Variants in NECAB3 observed in about 807,000 individuals in gnomAD.
The protein encoded by NECAB3 is N-terminal EF-hand calcium-binding protein 3.
Under a neutral mutation model 57.2 loss-of-function variants are expected in NECAB3, and 38 were observed. The observed-to-expected ratio is 0.66, with a 90% CI of 0.51 to 0.87. The LOEUF is 0.87. Ranked by LOEUF, NECAB3 falls within the 40% of genes least tolerant of loss-of-function variation. The pLI is 0.00. For missense variants in NECAB3, 474 were observed against 527.5 expected, an observed-to-expected ratio of 0.90 and a Z score of 0.99; for synonymous variants, 223 against 222.6, an observed-to-expected ratio of 1.00 and a Z score of -0.02.
chr20:33,662,759 G>T, intron 5 of NECAB3: 1 of 353,674 alleles, frequency 2.8e-6, no homozygotes, highest in Non-Finnish European at 5.3e-6. Context: ...GGGCAACATA[G>T]GGAGGCCCCA....
chr20:33,657,382 T>G lies in NECAB3; in HGVS notation c.*447A>C. On this transcript the variant is annotated 3_prime_UTR_variant, in exon 12 of 12. Transcript: ENST00000246190. ...TCAGGCCCAGCCTCGGAGGCAAGGT[T>G]TGAGGGTTGGGGGGTCCCTGAGCAT... 4 of 170,760 alleles carry G rather than the reference T, an allele frequency of 2.3e-5. No homozygotes were observed. Among genetic ancestry groups the G allele is most frequent in the Non-Finnish European group, 2.5e-5 (2 of 80,360 alleles). The allele number at this position is 170,760 out of a possible 1,614,324, so 10.6% of individuals were successfully genotyped here. A position where few individuals can be genotyped will look rare whatever the true frequency, so the allele number is the denominator to read the frequency against.
In NECAB3 at chr20:33,660,526, CA is replaced by C; in HGVS notation, c.388-132del. ...CAGGGGCACGCAAACCTGGCACAGGCAGGAGGGTACTGAGACCTGATGGGCA... is the reference window on the plus strand; with the variant it reads ...CAGGGGCACGCAAACCTGGCACAGGCGGAGGGTACTGAGACCTGATGGGCA... On this transcript the variant is annotated intron_variant, in intron 5 of 11. Transcript: ENST00000246190. The surrounding 1 kb of genome is among the most constrained non-coding windows in gnomAD (Gnocchi z 4.1). 8.1e-7 allele frequency: 1 copy of C among 1,230,896 alleles called. No homozygotes were observed. The highest frequency in any genetic ancestry group is 1.1e-6 in the Non-Finnish European group (1 of 889,130). 76.2% of individuals were successfully genotyped at this position (1,230,896 alleles called of 1,614,324 possible). A position where few individuals can be genotyped will look rare whatever the true frequency, so the allele number is the denominator to read the frequency against.
chr20:33,664,041 CTG>C, intron 5 of NECAB3: 1 of 558,430 alleles, frequency 1.8e-6, no homozygotes, highest in Non-Finnish European at 3.0e-6. Flanking sequence ...GGAGCCAGGG[CTG>C]TCTTTTGCTT....
chr20:33,667,981 A>C (rs1181198760), intron 5 of NECAB3: 1 of 1,548,514 alleles, frequency 6.5e-7, no homozygotes, highest in Non-Finnish European at 8.7e-7. Context: ...CCTGGCAGAC[A>C]CCGTGGTGCT....
rs140277190 is a variant in NECAB3, at chr20:33,660,172, C to T, written c.524+87G>A. The T allele has an allele frequency of 2.7e-4, 424 of 1,560,428 alleles. 1 individual carries two copies. In the African/African-American group the frequency reaches 5.2e-3, roughly 19 times the overall value. On this transcript the variant is annotated intron_variant, in intron 6 of 11. Transcript: ENST00000246190. This position sits in a 1 kb window ranked among gnomAD's most constrained non-coding sequence, Gnocchi z 4.1. ...CTTCCCCGCCCGAAAATGCAGGCTC[C>T]AGGATGCTGGGACTGTGGGGATTTG...
At chr20:33,661,310 C>T (rs1025972275) in intron 5 of NECAB3, among the ~76,000 whole-genome samples, 4 of 152,280 alleles carry the variant, frequency 2.6e-5, no homozygotes, top group East Asian at 3.9e-4. Flanking sequence ...CACACACACA[C>T]GCATCAGGGT....
chr20:33,667,726 A>G lies in NECAB3; in HGVS notation c.387+1649T>C, dbSNP rs1448465564. On this transcript the variant is annotated intron_variant, in intron 5 of 11. Transcript: ENST00000246190. ...GCAGCAGGCCCTGCCCCGCAAGGCC[A>G]TCACACATCTCAAGAAGCGCAGCTG... is the stretch of plus-strand genomic sequence containing the variant. 5 of 1,612,278 alleles carry G rather than the reference A, an allele frequency of 3.1e-6. No homozygotes were observed. In the East Asian group the frequency reaches 6.7e-5, roughly 22 times the overall value.
chr20:33,668,597 G>A, intron 5 of NECAB3: 1 of 207,790 alleles, frequency 4.8e-6, no homozygotes, highest in Non-Finnish European at 9.9e-6. Flanking sequence ...GCCCCAAGGG[G>A]CGATCCCTTG....
chr20:33,659,936 G>A lies in NECAB3; in HGVS notation c.592C>T (p.Leu198=). The change falls in exon 7 of 12, where the codon CTG becomes TTG. Residue 198 remains leucine (L), a synonymous_variant. Coordinates refer to ENST00000246190, the MANE Select transcript of NECAB3 (RefSeq NM_031232.4). ...GTGGATGACCGGCTGACACTCCTCA[G>A]GGCTCGGCGTCCTGCCCGCCGGCTG... The part of the protein sequence containing the change: ...CGSRRAGRRA[L]RSVSRSSTWS... 6.4e-7 allele frequency: 1 copy of A among 1,551,524 alleles called. No individual in the cohort carries two copies. Among genetic ancestry groups the A allele is most frequent in the South Asian group, 1.2e-5 (1 of 84,574 alleles).
intron 3 of NECAB3, chr20:33,670,325 G>A: frequency 4.4e-6 from 1 of 228,808 alleles, no homozygotes; most frequent in Non-Finnish European, 8.6e-6. Flanking sequence ...ACGCGTAGAT[G>A]TGGGAGCACA....
intron 5 of NECAB3, chr20:33,667,383 G>C (rs929263856): frequency 7.6e-7 from 1 of 1,307,536 alleles, no homozygotes; most frequent in African/African-American, 1.6e-5. Context: ...GCGGCCTGCG[G>C]GTGTGCCCAG....
At chr20:33,674,123 A>C in intron 1 of NECAB3, 101 bp downstream of exon 1, 2 of 1,155,874 alleles carry the variant, frequency 1.7e-6, no homozygotes, top group Non-Finnish European at 2.2e-6. Context: ...AGAGAGGGGA[A>C]GAGACCCAGA....
rs374461462 is a variant in NECAB3, at chr20:33,660,415, G to A, written c.388-20C>T. 4.0e-5 allele frequency: 64 copies of A among 1,610,056 alleles called. No homozygotes were observed. Among genetic ancestry groups the A allele is most frequent in the Middle Eastern group, 1.7e-4 (1 of 5,886 alleles). On this transcript the variant is annotated intron_variant, in intron 5 of 11. Coordinates refer to ENST00000246190, the MANE Select transcript of NECAB3 (RefSeq NM_031232.4). This position sits in a 1 kb window ranked among gnomAD's most constrained non-coding sequence, Gnocchi z 4.1. ...GTACTCCTGTGGGCCAAGGAGGGAC[G>A]GTCAGCATCTCCCAGCCCGGGCACT...
chr20:33,659,474 G>T (rs1320480926), intron 8 of NECAB3, 23 bp downstream of exon 8: 1 of 1,445,580 alleles, frequency 6.9e-7, no homozygotes, highest in South Asian at 1.5e-5. Context: ...CCATCCAGCC[G>T]CTTGCCCCTC....
At position 33,674,382 on chromosome 20, in the gene NECAB3, G is replaced by T. The variant is rs971067890; in HGVS notation, c.-30C>A. On this transcript the variant is annotated 5_prime_UTR_variant, in exon 1 of 12. Transcript: ENST00000246190. Reference sequence around the variant, plus strand: ...CCGCCACCCGCTCGGGCTCGGCTGCGGTTGCTGCCGACCCTGGACGCCGCG... The same window carrying T: ...CCGCCACCCGCTCGGGCTCGGCTGCTGTTGCTGCCGACCCTGGACGCCGCG... The T allele has an allele frequency of 2.5e-5, 29 of 1,155,454 alleles. No homozygotes were observed. The highest frequency in any genetic ancestry group is 3.0e-5 in the Non-Finnish European group (28 of 939,260). 71.6% of individuals were successfully genotyped at this position (1,155,454 alleles called of 1,614,324 possible).
intron 2 of NECAB3, among the ~76,000 whole-genome samples, chr20:33,671,029 A>C (rs1422084250): frequency 6.6e-6 from 1 of 152,260 alleles, no homozygotes; most frequent in Non-Finnish European, 1.5e-5. Flanking sequence ...GGGACAGGGC[A>C]GTATGTACAT....
chr20:33,673,463 A>G (rs1370967155), intron 1 of NECAB3, among the ~76,000 whole-genome samples: 1 of 152,142 alleles, frequency 6.6e-6, no homozygotes, highest in African/African-American at 2.4e-5. Context: ...AGGGGTGCTA[A>G]GCTGGGAATG....
In NECAB3 at chr20:33,660,793, G is replaced by A. The variant is rs1408363603; in HGVS notation, c.388-398C>T. Among the ~76,000 whole-genome samples the A allele has an allele frequency of 3.3e-5, 5 of 152,344 alleles. No individual in the cohort carries two copies. The highest frequency in any genetic ancestry group is 7.2e-5 in the African/African-American group (3 of 41,568). ...TGTTGACACAAGGCAAAATAATGGC[G>A]TGGTGTGGCCCCAGACTCACAATCT... On this transcript the variant is annotated intron_variant, in intron 5 of 11. Transcript: ENST00000246190. This position sits in a 1 kb window ranked among gnomAD's most constrained non-coding sequence, Gnocchi z 4.1.
intron 5 of NECAB3, chr20:33,663,518 TG>T: frequency 6.2e-7 from 1 of 1,605,500 alleles, no homozygotes; most frequent in Non-Finnish European, 8.5e-7. Flanking sequence ...CTCACGCCCC[TG>T]TTCCACCCCC....
Sources: gnomAD v4.1 joint callset for allele counts (sites outside exome capture counted in the v4.1 genomes callset) on GRCh38, gnomAD v4.1.1 for gene constraint, Gnocchi (gnomAD v3.1) non-coding constraint, MANE v1.5 for transcripts, NCBI Gene and HGNC (gene_info 2026-07-23, HGNC 2026-07-21) for gene names.